The following KANSL1 variants were observed in gnomAD, a reference collection of about 807,000 sequenced individuals.
KANSL1 encodes the protein MLL1/MLL complex subunit KANSL1.
In KANSL1, 22 loss-of-function variants were observed where a neutral mutation model predicts 103.6. That is an observed-to-expected ratio of 0.21 (90% CI 0.15 to 0.30). The LOEUF (loss-of-function observed/expected upper bound fraction) is 0.30. Ranked by LOEUF, KANSL1 falls within the 10% of genes least tolerant of loss-of-function variation. KANSL1 has a pLI of 1.00. For missense variants in KANSL1, 1,337 were observed against 1,399.8 expected (o/e 0.96, Z 0.72); for synonymous variants, 600 against 527.6 (o/e 1.14, Z -1.88).
chr17:46,173,125 C>T (rs2046364813), intron 1 of KANSL1, among the ~76,000 whole-genome samples: 1 of 152,172 alleles, frequency 6.6e-6, no homozygotes, highest in African/African-American at 2.4e-5. Flanking sequence ...CAATACCGAC[C>T]TTCTTCTAAT....
intron 2 of KANSL1, among the ~76,000 whole-genome samples, chr17:46,141,808 C>A (rs1398781953): frequency 3.3e-5 from 5 of 152,118 alleles, no homozygotes; most frequent in African/African-American, 9.7e-5. Context: ...TCAGCTTTTT[C>A]GGAAAGAGGG....
intron 2 of KANSL1, among the ~76,000 whole-genome samples, chr17:46,122,600 T>C (rs1207801205): frequency 3.3e-5 from 5 of 152,210 alleles, no homozygotes; most frequent in Non-Finnish European, 7.3e-5. Flanking sequence ...TTACTGCACT[T>C]TGCAGATGCT....
At chr17:46,195,980 T>TC (rs2047594329), upstream of KANSL1, 1 of 173,626 alleles carries the variant, frequency 5.8e-6, no homozygotes, top group Admixed American at 6.1e-5. Flanking sequence ...AGCAGCTCAC[T>TC]CCTGTAATCC....
chr17:46,165,494 A>T (rs2045950057), intron 2 of KANSL1, among the ~76,000 whole-genome samples: 1 of 151,534 alleles, frequency 6.6e-6, no homozygotes, highest in Admixed American at 6.6e-5. Flanking sequence ...AGCCTCCCAA[A>T]GTGCTGGGAT....
chr17:46,048,319 C>A (rs1398343203), intron 7 of KANSL1, among the ~76,000 whole-genome samples: 1 of 151,976 alleles, frequency 6.6e-6, no homozygotes, highest in Non-Finnish European at 1.5e-5. Flanking sequence ...GTAATCCCAG[C>A]ACTTTAGGGA....
At position 46,032,028 on chromosome 17, in the gene KANSL1, CA is replaced by C; in HGVS notation, c.3090+18del. ...ATCCCCCAACCATGCCAACCCCACC[CA>C]AAGGCTGCGTCCCTTACCTGTTCAT... On this transcript the variant is annotated intron_variant, in intron 14 of 14. Coordinates refer to ENST00000432791, the MANE Select transcript of KANSL1 (RefSeq NM_015443.4). 1 of 1,613,838 alleles carries C rather than the reference CA, an allele frequency of 6.2e-7. No homozygotes were observed. The highest frequency in any genetic ancestry group is 8.5e-7 in the Non-Finnish European group (1 of 1,179,960).
intron 2 of KANSL1, among the ~76,000 whole-genome samples, chr17:46,153,336 T>C (rs563914798): frequency 8.5e-5 from 13 of 152,368 alleles, no homozygotes; most frequent in Admixed American, 6.5e-4. Flanking sequence ...AGGAAATCCT[T>C]AGCTTTCTAT....
chr17:46,126,617 G>GA (rs2043571831), intron 2 of KANSL1, among the ~76,000 whole-genome samples: 1 of 151,964 alleles, frequency 6.6e-6, no homozygotes, highest in African/African-American at 2.4e-5. Context: ...TTCTTAATAA[G>GA]AACTGTAATC....
intron 2 of KANSL1, among the ~76,000 whole-genome samples, chr17:46,147,742 T>G (rs938850699): frequency 1.3e-5 from 2 of 152,202 alleles, no homozygotes; most frequent in African/African-American, 4.8e-5. Flanking sequence ...TGGAAGAAGT[T>G]GTAAGTAAAA....
intron 2 of KANSL1, among the ~76,000 whole-genome samples, chr17:46,150,971 TG>T (rs1483681651): frequency 6.6e-6 from 1 of 150,954 alleles, no homozygotes; most frequent in Non-Finnish European, 1.5e-5. Flanking sequence ...TTCAGCATTA[TG>T]AATATAAAGA....
chr17:46,172,545 TA>T (rs35095455), intron 1 of KANSL1, among the ~76,000 whole-genome samples: 6 of 151,226 alleles, frequency 4.0e-5, no homozygotes, highest in Admixed American at 6.6e-5. Flanking sequence ...TCATCTCCAT[TA>T]AAAAAAAATC....
intron 1 of KANSL1, among the ~76,000 whole-genome samples, chr17:46,211,102 T>C (rs2048154786): frequency 6.6e-6 from 1 of 151,138 alleles, no homozygotes; most frequent in African/African-American, 2.4e-5. Flanking sequence ...CATGGACAAA[T>C]GAAAAGTAAG....
Position 46,094,592 on chromosome 17 carries a change from T to A in KANSL1, c.1399A>T (p.Thr467Ser). ...SDLEYRIRQQ[T>S]DIYKQIRANK... ...GCACGTATCTGTTTGTAAATGTCTG[T>A]TTGCTGACGAATTCGATATTCCAAG... Residue 467 changes from threonine (T) to serine (S), a missense_variant, in exon 3 of 15, where the codon ACA becomes TCA. Physicochemically the swap from Thr to Ser is moderately conservative, Grantham distance 58 (BLOSUM62 1). Coordinates refer to ENST00000432791, the MANE Select transcript of KANSL1 (RefSeq NM_015443.4). 6.2e-7 allele frequency: 1 copy of A among 1,613,746 alleles called. No homozygotes were observed. Among genetic ancestry groups the A allele is most frequent in the African/African-American group, 1.3e-5 (1 of 75,018 alleles).
chr17:46,088,204 G>A (rs1363930123), intron 3 of KANSL1, among the ~76,000 whole-genome samples: 1 of 152,140 alleles, frequency 6.6e-6, no homozygotes, highest in African/African-American at 2.4e-5. Context: ...CCTCCTAAGT[G>A]ACTCCTCTGT....
At chr17:46,174,405 A>G (rs972353450) in intron 1 of KANSL1, among the ~76,000 whole-genome samples, 12 of 152,182 alleles carry the variant, frequency 7.9e-5, no homozygotes, top group African/African-American at 1.4e-4. Flanking sequence ...GGATGGTCAC[A>G]ATCTCCTGAC....
intron 3 of KANSL1, among the ~76,000 whole-genome samples, chr17:46,091,968 C>CA (rs2079410598): frequency 6.6e-6 from 1 of 152,140 alleles, no homozygotes; most frequent in South Asian, 2.1e-4. Context: ...AGGCACCCGC[C>CA]ACCACACCTG....
intron 10 of KANSL1, chr17:46,034,617 C>CCTT: frequency 3.9e-6 from 1 of 256,464 alleles, no homozygotes; most frequent in Admixed American, 5.3e-5. Flanking sequence ...CCTCTATTAA[C>CCTT]CTCCTCTCCT....
intron 2 of KANSL1, among the ~76,000 whole-genome samples, chr17:46,138,266 C>T (rs562862355): frequency 6.6e-6 from 1 of 152,212 alleles, no homozygotes; most frequent in Non-Finnish European, 1.5e-5. Context: ...GTAAGTACAG[C>T]TGACCCTCTG....
intron 2 of KANSL1, among the ~76,000 whole-genome samples, chr17:46,167,705 C>A (rs1321590875): frequency 1.3e-5 from 2 of 152,222 alleles, no homozygotes; most frequent in African/African-American, 4.8e-5. Flanking sequence ...TCTCTAAAGT[C>A]TCATTTAGCA....
Sources: gnomAD v4.1 joint callset for allele counts (sites outside exome capture counted in the v4.1 genomes callset) on GRCh38, gnomAD v4.1.1 for gene constraint, MANE v1.5 for transcripts, NCBI Gene and HGNC (gene_info 2026-07-23, HGNC 2026-07-21) for gene names.